The following ASPA variants were observed in gnomAD, a reference collection of about 807,000 sequenced individuals.
The protein encoded by ASPA is ACY-2.
Under a neutral mutation model 29.6 loss-of-function variants are expected in ASPA, and 25 were observed. That is an observed-to-expected ratio of 0.85 (90% CI 0.62 to 1.18). The LOEUF is 1.18. Among genes scored for constraint, ASPA ranks in the 50% most tolerant of loss-of-function variants. The pLI, the probability that ASPA is intolerant of heterozygous loss-of-function variation, is 0.00. For missense variants in ASPA, 333 were observed against 385.7 expected (o/e 0.86, Z 1.14); for synonymous variants, 131 against 130.3 (o/e 1.01, Z -0.04).
chr17:3,486,794 T>C (rs1012974173), intron 3 of ASPA, among the ~76,000 whole-genome samples: 4 of 152,258 alleles, frequency 2.6e-5, no homozygotes, highest in Admixed American at 6.5e-5. Flanking sequence ...GTGATACTTT[T>C]GTGCATAATA....
intron 5 of ASPA, among the ~76,000 whole-genome samples, chr17:3,496,186 A>T (rs925291411): frequency 6.6e-6 from 1 of 152,222 alleles, no homozygotes; most frequent in Non-Finnish European, 1.5e-5. Flanking sequence ...TAATTCTGCC[A>T]ACAAATATTT....
rs930108306 is a variant in ASPA, at chr17:3,501,083, A to G, written c.*1995A>G. The G allele has an allele frequency of 1.3e-5, 2 of 152,192 alleles. No homozygotes were observed. The highest frequency in any genetic ancestry group is 4.8e-5 in the African/African-American group (2 of 41,450). The allele number at this position is 152,192 out of a possible 1,614,324, so 9.4% of individuals were successfully genotyped here. On this transcript the variant is annotated 3_prime_UTR_variant, in exon 6 of 6. Transcript: ENST00000263080. ...CTACCACGACATCCAGCCGAAGCCC[A>G]TGGATCAAGGCGTCATTGTGACTTT...
At chr17:3,480,789 G>A (rs2150745936) in intron 1 of ASPA, among the ~76,000 whole-genome samples, 1 of 152,318 alleles carries the variant, frequency 6.6e-6, no homozygotes, top group East Asian at 1.9e-4. Context: ...TCCTCCCAAA[G>A]TTAGTTCAGT....
rs967025908 is a variant in ASPA at position 3,490,362 on chromosome 17, TA to T, written c.634+1027del. Among the ~76,000 whole-genome samples the T allele has an allele frequency of 1.3e-5, 2 of 152,174 alleles. No individual in the cohort carries two copies. The highest frequency in any genetic ancestry group is 6.5e-5 in the Admixed American group (1 of 15,276). Reference sequence around the variant, plus strand: ...ACTGCACTAAAAAGTCTATTAGTTATAAAAAAAGTTTACTTTAAAATGGAAA... The same window carrying T: ...ACTGCACTAAAAAGTCTATTAGTTATAAAAAAGTTTACTTTAAAATGGAAA... On this transcript the variant is annotated intron_variant, in intron 4 of 5. Coordinates refer to ENST00000263080, the MANE Select transcript of ASPA (RefSeq NM_000049.4). This position sits in a 1 kb window ranked among gnomAD's most constrained non-coding sequence, Gnocchi z 4.6.
intron 5 of ASPA, among the ~76,000 whole-genome samples, chr17:3,497,454 T>C (rs2073928689): frequency 6.6e-6 from 1 of 152,136 alleles, no homozygotes; most frequent in African/African-American, 2.4e-5. Flanking sequence ...GTTATATGAC[T>C]CCATGCTCTG....
At position 3,485,934 on chromosome 17, in the gene ASPA, CTTT is replaced by C. The variant is rs145731380; in HGVS notation, c.526+2355_526+2357del. Among the ~76,000 whole-genome samples, 7 of 142,380 alleles carry C rather than the reference CTTT, an allele frequency of 4.9e-5. No homozygotes were observed. The highest frequency in any genetic ancestry group is 7.6e-5 in the Non-Finnish European group (5 of 65,564). The allele number at this position is 142,380 out of a possible 152,430, so 93.4% of individuals were successfully genotyped here. A position where few individuals can be genotyped will look rare whatever the true frequency, so the allele number is the denominator to read the frequency against. ...CAGTGGTTGCATTCTAGGAGGGAAC[CTTT>C]TTTTTTTTTTTTGAGACGGAGTTTC... On this transcript the variant is annotated intron_variant, in intron 3 of 5. Transcript: ENST00000263080. The surrounding 1 kb of genome is among the most constrained non-coding windows in gnomAD (Gnocchi z 4.4).
chr17:3,476,257 A>G lies in ASPA; in HGVS notation c.98A>G (p.His33Arg), dbSNP rs138158568. 8 of 1,614,084 alleles carry G rather than the reference A, an allele frequency of 5.0e-6. No homozygotes were observed. In the African/African-American group the frequency reaches 1.1e-4, roughly 22 times the overall value. The change falls in exon 1 of 6, where the codon CAT (histidine) becomes CGT (arginine). Residue 33 changes from histidine to arginine, a missense_variant. His to Arg is a conservative substitution (Grantham distance 29, BLOSUM62 0). Coordinates refer to ENST00000263080, the MANE Select transcript of ASPA (RefSeq NM_000049.4). ...CTAACCGGAGTATTTCTGGTTAAGCATTGGCTAGAGAATGGCGCTGAGATT... is the reference window on the plus strand; with the variant it reads ...CTAACCGGAGTATTTCTGGTTAAGCGTTGGCTAGAGAATGGCGCTGAGATT... ...NELTGVFLVK[H>R]WLENGAEIQR...
intron 5 of ASPA, among the ~76,000 whole-genome samples, chr17:3,497,418 C>G (rs900643669): frequency 1.3e-5 from 2 of 152,162 alleles, no homozygotes; most frequent in African/African-American, 4.8e-5. Flanking sequence ...CTGAAAGAAG[C>G]ACGTATCCTG....
Position 3,485,081 on chromosome 17 carries a change from C to T in ASPA, c.526+1489C>T, listed in dbSNP as rs1001701182. 1.3e-5 allele frequency among the ~76,000 whole-genome samples: 2 copies of T among 151,974 alleles called. No individual in the cohort carries two copies. Among genetic ancestry groups the T allele is most frequent in the Non-Finnish European group, 2.9e-5 (2 of 68,018 alleles). On this transcript the variant is annotated intron_variant, in intron 3 of 5. Transcript: ENST00000263080. This position sits in a 1 kb window ranked among gnomAD's most constrained non-coding sequence, Gnocchi z 4.4. ...GTTGCCCAGGCTGAGTGTAGTGGCA[C>T]GATCACAGTTCACTGCAGCCTTGAC...
intron 4 of ASPA, among the ~76,000 whole-genome samples, chr17:3,491,180 G>A (rs577385039): frequency 5.3e-5 from 8 of 152,270 alleles, no homozygotes; most frequent in African/African-American, 1.9e-4. Context: ...AAACATCCTG[G>A]TTGAGAAGGC....
chr17:3,493,913 T>C (rs997274187), intron 4 of ASPA, among the ~76,000 whole-genome samples: 1 of 152,234 alleles, frequency 6.6e-6, no homozygotes, highest in Non-Finnish European at 1.5e-5. Context: ...TCTTTTGGCC[T>C]AGTGCTGTTT....
intron 5 of ASPA, among the ~76,000 whole-genome samples, chr17:3,497,204 C>T (rs577131724): frequency 5.0e-4 from 76 of 152,230 alleles, no homozygotes; most frequent in African/African-American, 1.8e-3. Flanking sequence ...TGCACAATGT[C>T]GGAATCTCCA....
At chr17:3,494,599 T>G in intron 5 of ASPA, 140 bp downstream of exon 5, 1 of 749,834 alleles carries the variant, frequency 1.3e-6, no homozygotes, top group South Asian at 1.5e-5. Flanking sequence ...AGGGAAGATG[T>G]TCGGACTGTC....
At chr17:3,475,280 G>A (rs1318807969), upstream of ASPA, 1 of 152,184 alleles carries the variant, frequency 6.6e-6, no homozygotes, top group African/African-American at 2.4e-5. Context: ...CCAGTGGAGA[G>A]TCCCCGCTGA....
At chr17:3,494,874 G>A (rs556858272) in intron 5 of ASPA, among the ~76,000 whole-genome samples, 34 of 152,244 alleles carry the variant, frequency 2.2e-4, no homozygotes, top group Admixed American at 1.9e-3. Flanking sequence ...ATACAGGGAC[G>A]GAAGTTAGAA....
Position 3,481,698 on chromosome 17 carries a change from T to C in ASPA, c.332T>C (p.Ile111Thr), listed in dbSNP as rs1332529012. 6.2e-7 allele frequency: 1 copy of C among 1,613,758 alleles called. No homozygotes were observed. Among genetic ancestry groups the C allele is most frequent in the Non-Finnish European group, 8.5e-7 (1 of 1,179,892 alleles). ...GPKDSEDSYD[I>T]IFDLHNTTSN... ...AAAGACAGTGAAGATTCCTATGACATTATTTTTGACCTTCACAACACCACC... is the reference window on the plus strand; with the variant it reads ...AAAGACAGTGAAGATTCCTATGACACTATTTTTGACCTTCACAACACCACC... Residue 111 changes from isoleucine (I) to threonine (T), a missense_variant, in exon 2 of 6, where the codon ATT becomes ACT. Transcript: ENST00000263080.
Position 3,502,915 on chromosome 17 carries a change from C to T in ASPA, c.*3827C>T, listed in dbSNP as rs1445462042. On this transcript the variant is annotated 3_prime_UTR_variant, in exon 6 of 6. Coordinates refer to ENST00000263080, the MANE Select transcript of ASPA (RefSeq NM_000049.4). ...GGTGGTGAAAGTCAACAACAGGGCA[C>T]TGGACACACATAGAAATGTGACCCA... The T allele has an allele frequency of 2.0e-5, 3 of 152,242 alleles. No individual in the cohort carries two copies. Among genetic ancestry groups the T allele is most frequent in the Non-Finnish European group, 4.4e-5 (3 of 68,076 alleles). The allele number at this position is 152,242 out of a possible 1,614,324, so 9.4% of individuals were successfully genotyped here.
rs1234180296 is a variant in ASPA at position 3,483,499 on chromosome 17, A to C, written c.433A>C (p.Thr145Pro). Residue 145 changes from threonine (T) to proline (P), a missense_variant and splice_region_variant, in exon 3 of 6, where the codon ACT (threonine) becomes CCT (proline). Thr to Pro is a conservative substitution (Grantham distance 38). Transcript: ENST00000263080. ...FLIQMFHYIK[T>P]SLAPLPCYVY... Reference sequence around the variant, plus strand: ...GAAAGACGTTTTTGATTTTTTTCAGACTTCTCTGGCTCCACTACCCTGCTA... The same window carrying C: ...GAAAGACGTTTTTGATTTTTTTCAGCCTTCTCTGGCTCCACTACCCTGCTA... The C allele has an allele frequency of 1.9e-6, 3 of 1,613,680 alleles. No individual in the cohort carries two copies. Among genetic ancestry groups the C allele is most frequent in the Non-Finnish European group, 2.5e-6 (3 of 1,179,850 alleles).
intron 4 of ASPA, among the ~76,000 whole-genome samples, chr17:3,493,017 T>C (rs1229781285): frequency 6.6e-6 from 1 of 152,216 alleles, no homozygotes; most frequent in Non-Finnish European, 1.5e-5. Context: ...CCATTCTAAC[T>C]CTGCTCTAAA....
Sources: gnomAD v4.1 joint callset for allele counts (sites outside exome capture counted in the v4.1 genomes callset) on GRCh38, gnomAD v4.1.1 for gene constraint, Gnocchi (gnomAD v3.1) non-coding constraint, MANE v1.5 for transcripts, NCBI Gene and HGNC (gene_info 2026-07-23, HGNC 2026-07-21) for gene names.